The following IL19 variants were observed in gnomAD, a reference collection of about 807,000 sequenced individuals.
The protein encoded by IL19 is interleukin-19.
IL19 carries 15 observed loss-of-function variants against 19.5 expected under a neutral mutation model. That is an observed-to-expected ratio of 0.77 (90% confidence interval 0.52 to 1.19). The LOEUF is 1.19. IL19 is among the 50% of genes most tolerant of loss of function. The probability of loss-of-function intolerance (pLI) is 0.00; values close to 1 mark genes in which losing one functional copy is unlikely to be tolerated. For synonymous variants in IL19, 78 were observed against 78.3 expected, an observed-to-expected ratio of 1.00 and a Z score of 0.02; for missense variants, 199 against 213.1, an observed-to-expected ratio of 0.93 and a Z score of 0.41.
In IL19 at chr1:206,831,188, G is replaced by T. The variant is rs183635311; in HGVS notation, c.-2-5473G>T. Among the ~76,000 whole-genome samples the T allele has an allele frequency of 2.6e-4, 39 of 152,316 alleles. 1 individual carries two copies. The Middle Eastern group carries it at 0.014, about 53-fold the overall frequency. On this transcript the variant is annotated intron_variant, in intron 2 of 6. Transcript: ENST00000659997. ...GGCATCATTATGAAAAATTCATGAG[G>T]TTGGAGTGCATGTTAGGCGGGGATA...
At chr1:206,814,506 T>A (rs1233181267) in intron 2 of IL19, among the ~76,000 whole-genome samples, 2 of 148,048 alleles carry the variant, frequency 1.4e-5, no homozygotes, top group Admixed American at 1.4e-4. Flanking sequence ...GCCTAACCAA[T>A]ATGGCGAAAC....
intron 6 of IL19, among the ~76,000 whole-genome samples, chr1:206,841,557 T>C (rs1363838301): frequency 6.6e-6 from 1 of 152,226 alleles, no homozygotes. Context: ...GTGTTTCTCA[T>C]GAGCATCAGT....
chr1:206,792,463 C>T (rs1675431601), intron 1 of IL19, among the ~76,000 whole-genome samples: 1 of 151,296 alleles, frequency 6.6e-6, no homozygotes, highest in African/African-American at 2.4e-5. Context: ...CCCACCCCGC[C>T]TTTTTTTTTC....
chr1:206,820,755 C>G (rs1335454836), intron 2 of IL19, among the ~76,000 whole-genome samples: 1 of 152,226 alleles, frequency 6.6e-6, no homozygotes, highest in Non-Finnish European at 1.5e-5. Flanking sequence ...TGAGGTTCCT[C>G]TAGCACAACT....
At chr1:206,796,000 A>T (rs1172983441) in intron 1 of IL19, among the ~76,000 whole-genome samples, 1 of 151,186 alleles carries the variant, frequency 6.6e-6, no homozygotes, top group Non-Finnish European at 1.5e-5. Flanking sequence ...TCACATGATT[A>T]TGGAGGCTGA....
intron 4 of IL19, among the ~76,000 whole-genome samples, chr1:206,838,140 G>A (rs2243174): frequency 0.69 from 105,160 of 152,116 alleles, 37,163 homozygotes; most frequent in Non-Finnish European, 0.77. Flanking sequence ...AATGGACAAC[G>A]TGAGGCAGGA....
At chr1:206,773,987 G>A (rs1246420818) in intron 1 of IL19, among the ~76,000 whole-genome samples, 1 of 152,240 alleles carries the variant, frequency 6.6e-6, no homozygotes, top group African/African-American at 2.4e-5. Context: ...CATGGACCCA[G>A]ATGGAGGGCA....
At chr1:206,824,256 A>G (rs1033009127) in intron 2 of IL19, among the ~76,000 whole-genome samples, 2 of 152,216 alleles carry the variant, frequency 1.3e-5, no homozygotes, top group African/African-American at 2.4e-5. Flanking sequence ...TCCTTCAATC[A>G]TTGAGCCTTA....
chr1:206,836,539 T>C, intron 2 of IL19, 122 bp from the exon 3 acceptor site: 1 of 865,824 alleles, frequency 1.2e-6, no homozygotes. Flanking sequence ...AAGTGTTTAG[T>C]GTTGTTTTCT....
chr1:206,807,327 G>C lies in IL19; in HGVS notation c.-3+8321G>C, dbSNP rs550378281. Among the ~76,000 whole-genome samples, 14 of 152,226 alleles carry C rather than the reference G, an allele frequency of 9.2e-5. No homozygotes were observed. In the South Asian group the frequency reaches 2.9e-3, roughly 32 times the overall value. On this transcript the variant is annotated intron_variant, in intron 2 of 6. Transcript: ENST00000659997. ...AGAGTCAACTCAAGTTCCTTACTAT[G>C]ACCTTCAAGACCTTGCCTGATTCCA...
chr1:206,799,078 C>A, intron 2 of IL19, 72 bp downstream of exon 2: 2 of 1,048,352 alleles, frequency 1.9e-6, no homozygotes, highest in Non-Finnish European at 1.5e-6. Context: ...CAGTTTATTT[C>A]AAGACTCTGG....
chr1:206,834,380 C>T, intron 2 of IL19: 1 of 985,640 alleles, frequency 1.0e-6, no homozygotes, highest in Non-Finnish European at 1.2e-6. Flanking sequence ...CAAGGAGCAG[C>T]CCGCAAGCAC....
At chr1:206,836,640 G>A in intron 2 of IL19, 21 bp from the exon 3 acceptor site, 2 of 1,583,964 alleles carry the variant, frequency 1.3e-6, no homozygotes, top group East Asian at 2.2e-5. Context: ...CTGGACAGCT[G>A]ACTTCCTCTC....
At chr1:206,790,138 A>G (rs1160868635) in intron 1 of IL19, among the ~76,000 whole-genome samples, 1 of 152,176 alleles carries the variant, frequency 6.6e-6, no homozygotes, top group Non-Finnish European at 1.5e-5. Context: ...GGTTGTACTA[A>G]TATACATTCC....
At chr1:206,821,772 G>C (rs1676295301) in intron 2 of IL19, among the ~76,000 whole-genome samples, 1 of 152,224 alleles carries the variant, frequency 6.6e-6, no homozygotes, top group Non-Finnish European at 1.5e-5. Context: ...GAGTGCTCTG[G>C]TATGCCGCCA....
chr1:206,791,965 A>T (rs2102454942), intron 1 of IL19, among the ~76,000 whole-genome samples: 1 of 152,142 alleles, frequency 6.6e-6, no homozygotes, highest in African/African-American at 2.4e-5. Context: ...GTGGGTGGGG[A>T]GGCCCTGGGT....
intron 1 of IL19, among the ~76,000 whole-genome samples, chr1:206,773,586 T>TTGTGTGTGTGTGTG (rs2234662): frequency 4.3e-4 from 57 of 131,868 alleles, no homozygotes; most frequent in South Asian, 3.2e-3. Flanking sequence ...TGTCTTGGAT[T>TTGTGTGTGTGTGTG]TGTGTGTGTG....
intron 1 of IL19, among the ~76,000 whole-genome samples, chr1:206,780,408 G>A (rs1178452142): frequency 6.6e-6 from 1 of 152,222 alleles, no homozygotes; most frequent in African/African-American, 2.4e-5. Flanking sequence ...GTGCTACATG[G>A]CTATATGTCT....
intron 1 of IL19, among the ~76,000 whole-genome samples, chr1:206,787,830 A>G (rs1675301838): frequency 1.3e-5 from 2 of 152,182 alleles, no homozygotes; most frequent in South Asian, 4.1e-4. Context: ...AGGATCCAGG[A>G]GTTTCTCCTC....
Sources: allele counts gnomAD v4.1 joint callset (sites outside exome capture counted in the v4.1 genomes callset), GRCh38; gene constraint gnomAD v4.1.1; transcripts MANE v1.5; gene names NCBI Gene and HGNC (gene_info 2026-07-23, HGNC 2026-07-21).